Variants in IL1RAPL1 observed in about 807,000 individuals in gnomAD.
IL1RAPL1 encodes interleukin 1 receptor accessory protein like 1, also known as interleukin-1 receptor accessory protein-like 1.
Under a neutral mutation model 48.4 loss-of-function variants are expected in IL1RAPL1, and 3 were observed. The ratio of observed to expected loss-of-function variants is 0.06; its 90% CI spans 0.03 to 0.16. The LOEUF (loss-of-function observed/expected upper bound fraction) is 0.16, where lower values mean the gene tolerates loss of function less well. Ranked by LOEUF, IL1RAPL1 falls within the 10% of genes least tolerant of loss-of-function variation. The pLI, the probability that IL1RAPL1 is intolerant of heterozygous loss-of-function variation, is 1.00. For synonymous variants in IL1RAPL1, 185 were observed against 187.7 expected (o/e 0.99, Z 0.12); for missense variants, 349 against 530.6 (o/e 0.66, Z 3.36).
intron 5 of IL1RAPL1, among the ~76,000 whole-genome samples, chrX:29,470,236 A>T (rs893972313): frequency 3.6e-5 from 4 of 111,958 alleles, no homozygotes; most frequent in Non-Finnish European, 7.5e-5. Context: ...CTTGCTAAAG[A>T]AATGTCTCAC....
intron 5 of IL1RAPL1, among the ~76,000 whole-genome samples, chrX:29,533,641 C>T: frequency 9.0e-6 from 1 of 111,537 alleles, no homozygotes; most frequent in East Asian, 2.8e-4. Flanking sequence ...CATATGTTAA[C>T]TCTATATTTA....
intron 2 of IL1RAPL1, among the ~76,000 whole-genome samples, chrX:28,955,777 T>C (rs367599315): frequency 0.015 from 1,469 of 95,847 alleles, 49 homozygotes; most frequent in African/African-American, 0.058. Flanking sequence ...TTTTTTGGTT[T>C]CATATGAACT....
intron 5 of IL1RAPL1, among the ~76,000 whole-genome samples, chrX:29,629,075 T>C (rs1183223418): frequency 8.9e-5 from 10 of 112,087 alleles, no homozygotes; most frequent in African/African-American, 1.9e-4. Flanking sequence ...AACTACAGTT[T>C]TGGAAGCCTC....
chrX:29,539,737 C>G (rs903535723), intron 5 of IL1RAPL1, among the ~76,000 whole-genome samples: 2 of 111,249 alleles, frequency 1.8e-5, no homozygotes, highest in Admixed American at 1.9e-4. Context: ...TCCCCTCTTG[C>G]GTTCCACCAT....
chrX:28,658,909 C>T (rs1246627722), intron 1 of IL1RAPL1, among the ~76,000 whole-genome samples: 1 of 111,162 alleles, frequency 9.0e-6, no homozygotes, highest in Non-Finnish European at 1.9e-5. Flanking sequence ...CTGCCAATAC[C>T]TAATTACTGT....
chrX:29,753,440 T>G, intron 6 of IL1RAPL1, among the ~76,000 whole-genome samples: 2 of 112,140 alleles, frequency 1.8e-5, no homozygotes, highest in Middle Eastern at 9.3e-3. Flanking sequence ...GGAATTTGAT[T>G]TACTAAAATT....
At chrX:28,597,768 C>A (rs923291382) in intron 1 of IL1RAPL1, among the ~76,000 whole-genome samples, 2 of 110,169 alleles carry the variant, frequency 1.8e-5, no homozygotes, top group African/African-American at 6.6e-5. Flanking sequence ...CCACTGCTAC[C>A]AGTGCTGGAT....
intron 3 of IL1RAPL1, among the ~76,000 whole-genome samples, chrX:29,328,363 A>G (rs1932855945): frequency 9.0e-6 from 1 of 111,172 alleles, no homozygotes; most frequent in African/African-American, 3.3e-5. Flanking sequence ...CTTATATAAG[A>G]AGATATCCCA....
chrX:29,830,881 T>A (rs1197177568), intron 6 of IL1RAPL1, among the ~76,000 whole-genome samples: 1 of 111,437 alleles, frequency 9.0e-6, no homozygotes, highest in African/African-American at 3.3e-5. Flanking sequence ...AAAATTGTGT[T>A]TAAAGGAGTT....
intron 8 of IL1RAPL1, among the ~76,000 whole-genome samples, chrX:29,928,931 G>A (rs1315210854): frequency 9.0e-6 from 1 of 111,110 alleles, no homozygotes; most frequent in East Asian, 2.8e-4. Context: ...AAATTACCAT[G>A]GTAACTTGTA....
chrX:29,743,581 G>A (rs1239782122), intron 6 of IL1RAPL1, among the ~76,000 whole-genome samples: 1 of 111,596 alleles, frequency 9.0e-6, no homozygotes, highest in Non-Finnish European at 1.9e-5. Flanking sequence ...CAGTTCTCTA[G>A]TTCAAGCGAT....
intron 2 of IL1RAPL1, among the ~76,000 whole-genome samples, chrX:29,222,015 CAAAAAAA>C (rs761229753): frequency 3.1e-5 from 2 of 65,372 alleles, no homozygotes; most frequent in Admixed American, 4.2e-4. Context: ...GAGATTCCGT[CAAAAAAA>C]AAAAAAAAAA....
intron 6 of IL1RAPL1, among the ~76,000 whole-genome samples, chrX:29,904,985 A>G (rs948017112): frequency 1.8e-5 from 2 of 112,024 alleles, no homozygotes; most frequent in African/African-American, 6.5e-5. Context: ...TTACACTCCC[A>G]CCAACAGAGT....
chrX:29,720,681 A>G (rs755804970), intron 6 of IL1RAPL1, among the ~76,000 whole-genome samples: 1 of 110,984 alleles, frequency 9.0e-6, no homozygotes, highest in Non-Finnish European at 1.9e-5. Flanking sequence ...GCAGCAAACT[A>G]CCATGGCACA....
chrX:29,296,243 A>G (rs1456002418), intron 3 of IL1RAPL1, among the ~76,000 whole-genome samples: 3 of 111,826 alleles, frequency 2.7e-5, no homozygotes, highest in Non-Finnish European at 5.6e-5. Flanking sequence ...GATTATCAAG[A>G]AAAGGGTACA....
intron 2 of IL1RAPL1, among the ~76,000 whole-genome samples, chrX:28,831,074 G>A (rs1484941192): frequency 2.3e-5 from 2 of 86,479 alleles, no homozygotes; most frequent in Admixed American, 2.6e-4. Context: ...GTGTGTGTGT[G>A]TGTCTGTATG....
chrX:29,508,733 AAAAAAT>A (rs1172802354), intron 5 of IL1RAPL1, among the ~76,000 whole-genome samples: 3 of 111,706 alleles, frequency 2.7e-5, no homozygotes, highest in Non-Finnish European at 3.8e-5. Context: ...TTTATGTGAG[AAAAAAT>A]AAAAATAAAA....
In IL1RAPL1 at chrX:29,926,851, G is replaced by A. The variant is rs956265045; in HGVS notation, c.1057+6757G>A. On this transcript the variant is annotated intron_variant, in intron 8 of 10. Transcript: ENST00000378993. ...TCCTGGTGACAAGCACTGCTCTACA[G>A]TATAGATATAAAAAACTCAGTCTTC... is the stretch of plus-strand genomic sequence containing the variant. 3.1e-4 allele frequency among the ~76,000 whole-genome samples: 35 copies of A among 111,533 alleles called. No individual in the cohort carries two copies. The Admixed American group carries it at 3.2e-3, about 10-fold the overall frequency.
At chrX:29,649,025 A>G (rs1321093080) in intron 5 of IL1RAPL1, among the ~76,000 whole-genome samples, 2 of 111,830 alleles carry the variant, frequency 1.8e-5, no homozygotes, top group Non-Finnish European at 3.8e-5. Flanking sequence ...AGAAATGAAT[A>G]TATTCCTGGA....
Sources: gnomAD v4.1 joint callset for allele counts (sites outside exome capture counted in the v4.1 genomes callset) on GRCh38, gnomAD v4.1.1 for gene constraint, MANE v1.5 for transcripts, NCBI Gene and HGNC (gene_info 2026-07-23, HGNC 2026-07-21) for gene names.